Variants in CCDC73 observed in about 807,000 individuals in gnomAD.
The protein encoded by CCDC73 is coiled-coil domain-containing protein 73.
In CCDC73, 95 loss-of-function variants were observed where a neutral mutation model predicts 116.5. That is an observed-to-expected ratio of 0.82 (90% CI 0.69 to 0.97). CCDC73 has a LOEUF of 0.97. CCDC73 is among the 50% of genes least tolerant of loss of function. The pLI, the probability that CCDC73 is intolerant of heterozygous loss-of-function variation, is 0.00. For synonymous variants in CCDC73, 398 were observed against 401.3 expected (o/e 0.99, Z 0.10); for missense variants, 1,066 against 1,206.8 (o/e 0.88, Z 1.73).
In CCDC73 at chr11:32,699,320, T is replaced by C. The variant is rs780716201; in HGVS notation, c.321A>G (p.Lys107=). 3.8e-6 allele frequency: 6 copies of C among 1,570,100 alleles called. No homozygotes were observed. Among genetic ancestry groups the C allele is most frequent in the Non-Finnish European group, 4.3e-6 (5 of 1,154,216 alleles). ...CCTTTATTTCTGTAGCAAGTTGATA[T>C]TTTCCCTTTAAGTAAAAAACTGTAT... ...KMCALEEEKG[K]YQLATEIKEK... Residue 107 remains lysine, a synonymous_variant, in exon 6 of 18, where the codon AAA becomes AAG. Transcript: ENST00000335185.
chr11:32,621,102 G>A (rs1324893446), intron 14 of CCDC73, among the ~76,000 whole-genome samples: 1 of 152,082 alleles, frequency 6.6e-6, no homozygotes, highest in Non-Finnish European at 1.5e-5. Context: ...ACTGCCCAAA[G>A]TAATTTATAG....
chr11:32,666,074 T>A (rs1252343820), intron 9 of CCDC73, among the ~76,000 whole-genome samples: 4 of 152,244 alleles, frequency 2.6e-5, no homozygotes, highest in Non-Finnish European at 4.4e-5. Flanking sequence ...CTGATGTTTC[T>A]CTCTGGCTGC....
chr11:32,676,878 T>C (rs1047964307), intron 7 of CCDC73, among the ~76,000 whole-genome samples: 1 of 152,220 alleles, frequency 6.6e-6, no homozygotes, highest in Admixed American at 6.5e-5. Context: ...GGAGACATAA[T>C]TGGTAAAAAT....
chr11:32,657,097 G>T (rs1019820100), intron 9 of CCDC73, among the ~76,000 whole-genome samples: 2 of 152,104 alleles, frequency 1.3e-5, no homozygotes, highest in African/African-American at 4.8e-5. Context: ...AGTATATAAG[G>T]CTGAGAAATA....
intron 12 of CCDC73, among the ~76,000 whole-genome samples, chr11:32,644,742 G>GC (rs1243971285): frequency 6.6e-6 from 1 of 152,086 alleles, no homozygotes; most frequent in Non-Finnish European, 1.5e-5. Context: ...GTTCCCTTGG[G>GC]CCACTTTGCA....
chr11:32,819,467 G>T, the CCDC73 span, among the ~76,000 whole-genome samples: 7 of 148,620 alleles, frequency 4.7e-5, no homozygotes, highest in East Asian at 5.9e-4. Context: ...GCAATAAGAG[G>T]TTTTTTTTTT....
intron 1 of CCDC73, among the ~76,000 whole-genome samples, chr11:32,790,631 TG>T: frequency 6.6e-6 from 1 of 152,084 alleles, no homozygotes; most frequent in South Asian, 2.1e-4. Flanking sequence ...AAACATTCTC[TG>T]TTCATACTAA....
At chr11:32,783,845 G>A (rs1024026438) in intron 1 of CCDC73, among the ~76,000 whole-genome samples, 4 of 152,112 alleles carry the variant, frequency 2.6e-5, no homozygotes, top group East Asian at 1.9e-4. Context: ...ACCCTAGCAC[G>A]GTGGAGGACA....
intron 1 of CCDC73, among the ~76,000 whole-genome samples, chr11:32,764,650 T>C (rs1019485341): frequency 1.3e-5 from 2 of 152,182 alleles, no homozygotes; most frequent in South Asian, 4.1e-4. Flanking sequence ...TACCAGCCAC[T>C]GCAAAAACAT....
chr11:32,629,921 C>CAAAAAAAAAA (rs367693675), intron 14 of CCDC73, among the ~76,000 whole-genome samples: 15 of 55,684 alleles, frequency 2.7e-4, no homozygotes, highest in Middle Eastern at 0.011. Flanking sequence ...AGCAGATATG[C>CAAAAAAAAAA]AAAAAAAAAA....
At chr11:32,675,751 T>C in intron 8 of CCDC73, 107 bp from the exon 9 acceptor site, 1 of 1,181,792 alleles carries the variant, frequency 8.5e-7, no homozygotes, top group Non-Finnish European at 1.2e-6. Flanking sequence ...ATATATGTTA[T>C]TTAATTTAGG....
the CCDC73 span, among the ~76,000 whole-genome samples, chr11:32,810,381 C>T: frequency 6.6e-6 from 1 of 152,288 alleles, no homozygotes; most frequent in African/African-American, 2.4e-5. Context: ...ATTGGAATAA[C>T]TGAACTTAAA....
intron 2 of CCDC73, among the ~76,000 whole-genome samples, chr11:32,747,984 C>T (rs1231312881): frequency 1.3e-5 from 2 of 152,204 alleles, no homozygotes; most frequent in Non-Finnish European, 2.9e-5. Context: ...CGAGATAAAC[C>T]AGGTATCTCA....
intron 2 of CCDC73, chr11:32,758,407 G>A: frequency 2.0e-6 from 1 of 499,396 alleles, no homozygotes. Context: ...TCTCCACGTG[G>A]CATGCCTCCA....
At chr11:32,677,855 G>A (rs561114611) in intron 7 of CCDC73, among the ~76,000 whole-genome samples, 1 of 146,548 alleles carries the variant, frequency 6.8e-6, no homozygotes, top group South Asian at 2.2e-4. Context: ...AGGAGGCTGA[G>A]ACAGGAGAAT....
chr11:32,660,424 T>C (rs932271874), intron 9 of CCDC73, among the ~76,000 whole-genome samples: 13 of 151,970 alleles, frequency 8.6e-5, no homozygotes, highest in Non-Finnish European at 1.8e-4. Context: ...TGCTTCAATA[T>C]TGAGCTTCTA....
At chr11:32,741,564 G>A (rs900609960) in intron 2 of CCDC73, among the ~76,000 whole-genome samples, 1 of 151,356 alleles carries the variant, frequency 6.6e-6, no homozygotes, top group African/African-American at 2.4e-5. Context: ...TTTAGTCTAT[G>A]TGTGACTTTA....
At chr11:32,705,162 G>A (rs530557114) in intron 3 of CCDC73, among the ~76,000 whole-genome samples, 212 of 152,344 alleles carry the variant, frequency 1.4e-3, no homozygotes, top group Non-Finnish European at 2.0e-3. Context: ...CCCAGGAGCC[G>A]CGGGCTGAAG....
rs1178092363 is a variant in CCDC73, at chr11:32,679,979, T to TGCA, written c.429+3556_429+3557insTGC. The TGCA allele has an allele frequency of 4.6e-5, 7 of 152,340 alleles. 1 individual carries two copies. The highest frequency in any genetic ancestry group is 1.7e-4 in the African/African-American group (7 of 41,582). The allele number at this position is 152,340 out of a possible 1,614,324, so 9.4% of individuals were successfully genotyped here. A position where few individuals can be genotyped will look rare whatever the true frequency, so the allele number is the denominator to read the frequency against. On this transcript the variant is annotated intron_variant, in intron 7 of 17. Coordinates refer to ENST00000335185, the MANE Select transcript of CCDC73 (RefSeq NM_001008391.4). ...TTTCATTGCATTTGTTTGCATGACA[T>TGCA]AATTCTGATTTTCAAACACATTAGC...
Sources: gnomAD v4.1 joint callset for allele counts (sites outside exome capture counted in the v4.1 genomes callset) on GRCh38, gnomAD v4.1.1 for gene constraint, MANE v1.5 for transcripts, NCBI Gene and HGNC (gene_info 2026-07-23, HGNC 2026-07-21) for gene names.